The following TDRD7 variants were observed in gnomAD, a reference collection of about 807,000 sequenced individuals.
TDRD7 encodes the protein tudor domain containing 7, also known as tudor domain-containing protein 7.
In TDRD7, 47 loss-of-function variants were observed where a neutral mutation model predicts 109.8. The ratio of observed to expected loss-of-function variants is 0.43; its 90% confidence interval spans 0.34 to 0.55. TDRD7 has a LOEUF of 0.55. TDRD7 is among the 20% of genes least tolerant of loss of function. The probability of loss-of-function intolerance (pLI) is 0.03; values close to 1 mark genes in which losing one functional copy is unlikely to be tolerated. For missense variants in TDRD7, 1,164 were observed against 1,319.2 expected, an observed-to-expected ratio of 0.88 and a Z score of 1.82; for synonymous variants, 424 against 457.3, an observed-to-expected ratio of 0.93 and a Z score of 0.93.
At chr9:97,427,961 A>G (rs560464148) in intron 1 of TDRD7, among the ~76,000 whole-genome samples, 7 of 152,282 alleles carry the variant, frequency 4.6e-5, no homozygotes, top group African/African-American at 1.4e-4. Context: ...AAACATGAGC[A>G]TAATATAGTA....
At chr9:97,447,452 T>C (rs2118405106) in intron 6 of TDRD7, among the ~76,000 whole-genome samples, 1 of 152,282 alleles carries the variant, frequency 6.6e-6, no homozygotes, top group East Asian at 1.9e-4. Context: ...TGCTGTTAAT[T>C]TTTGAGAGGC....
intron 6 of TDRD7, among the ~76,000 whole-genome samples, chr9:97,444,632 C>T (rs1828368477): frequency 6.6e-6 from 1 of 152,194 alleles, no homozygotes; most frequent in Non-Finnish European, 1.5e-5. Flanking sequence ...ATGGGTATCT[C>T]TCTTTATGGC....
Position 97,443,295 on chromosome 9 carries a change from A to G in TDRD7, c.855+1420A>G, listed in dbSNP as rs543372272. ...TGGAGTGTAGTGAGGGAAATAGGGA[A>G]AAAAATGATTAGGACAATGTGACAA... On this transcript the variant is annotated intron_variant, in intron 6 of 16. Coordinates refer to ENST00000355295, the MANE Select transcript of TDRD7 (RefSeq NM_014290.3). 5.9e-5 allele frequency among the ~76,000 whole-genome samples: 9 copies of G among 152,322 alleles called. No individual in the cohort carries two copies. The South Asian group carries it at 1.9e-3, about 32-fold the overall frequency.
At chr9:97,471,510 TA>T (rs1157131269) in intron 9 of TDRD7, among the ~76,000 whole-genome samples, 1 of 152,154 alleles carries the variant, frequency 6.6e-6, no homozygotes, top group African/African-American at 2.4e-5. Flanking sequence ...GTGTTGAAAT[TA>T]AATGTTTGAG....
At chr9:97,445,248 G>T (rs539064045) in intron 6 of TDRD7, among the ~76,000 whole-genome samples, 1 of 151,666 alleles carries the variant, frequency 6.6e-6, no homozygotes, top group East Asian at 1.9e-4. Flanking sequence ...TTCTAGAGCA[G>T]TAGTCTTGTT....
Position 97,487,237 on chromosome 9 carries a change from A to G in TDRD7, c.2981A>G (p.Tyr994Cys). The change falls in exon 16 of 17, where the codon TAT becomes TGT. Residue 994 changes from tyrosine (Y) to cysteine (C), a missense_variant. Physicochemically the swap from Tyr to Cys is radical, Grantham distance 194 (BLOSUM62 -2). Around this residue, in one of 5 missense-constraint regions of TDRD7, gnomAD observed 162 missense variants for 222.5 expected, o/e 0.73. Transcript: ENST00000355295. ...NGLVSVYELD[Y>C]GKHELVNIRK... is the part of the protein sequence containing the mutation. ...CTGGTATCTGTGTATGAGCTGGATT[A>G]TGGCAAACACGAATTAGTCAACATA... 6.2e-7 allele frequency: 1 copy of G among 1,614,036 alleles called. No individual in the cohort carries two copies. The highest frequency in any genetic ancestry group is 1.3e-5 in the African/African-American group (1 of 75,038).
chr9:97,460,591 T>C lies in TDRD7; in HGVS notation c.1269T>C (p.Asp423=). The part of the protein sequence containing the change: ...IQKDAGQAHG[D]NDIKAMVEQE... The stretch of plus-strand genomic sequence containing the variant: ...AGGATGCAGGGCAAGCACATGGTGA[T>C]AATGATATCAAGGCTATGGTTGAAC... Residue 423 remains aspartate (D), a synonymous_variant, in exon 7 of 17, where the codon GAT becomes GAC. Coordinates refer to ENST00000355295, the MANE Select transcript of TDRD7 (RefSeq NM_014290.3). 2 of 1,614,240 alleles carry C rather than the reference T, an allele frequency of 1.2e-6. No homozygotes were observed. The highest frequency in any genetic ancestry group is 1.7e-6 in the Non-Finnish European group (2 of 1,180,032).
chr9:97,494,181 A>G (rs1829356214), intron 16 of TDRD7, among the ~76,000 whole-genome samples: 2 of 152,258 alleles, frequency 1.3e-5, no homozygotes, highest in Non-Finnish European at 2.9e-5. Context: ...AGACAGGAGT[A>G]AGAAATTATA....
chr9:97,429,201 A>G (rs1281272390), intron 2 of TDRD7, among the ~76,000 whole-genome samples: 1 of 152,106 alleles, frequency 6.6e-6, no homozygotes, highest in African/African-American at 2.4e-5. Context: ...ATATGATCAT[A>G]TCATTATACC....
chr9:97,458,135 T>A (rs1052199581), intron 6 of TDRD7, among the ~76,000 whole-genome samples: 1 of 152,092 alleles, frequency 6.6e-6, no homozygotes, highest in Non-Finnish European at 1.5e-5. Context: ...GAAAAAAGAT[T>A]ATAATGAACC....
chr9:97,469,899 T>C (rs1426693632), intron 8 of TDRD7, among the ~76,000 whole-genome samples: 3 of 152,216 alleles, frequency 2.0e-5, no homozygotes, highest in African/African-American at 7.2e-5. Flanking sequence ...TTCAGCAGAC[T>C]TAGGGCCTTT....
intron 10 of TDRD7, among the ~76,000 whole-genome samples, chr9:97,473,187 G>C (rs1828952399): frequency 6.6e-6 from 1 of 152,112 alleles, no homozygotes; most frequent in South Asian, 2.1e-4. Flanking sequence ...CTAAATAAAT[G>C]GGGAGAAAAT....
At position 97,459,674 on chromosome 9, in the gene TDRD7, A is replaced by G. The variant is rs1828674857; in HGVS notation, c.856-504A>G. 3.3e-5 allele frequency among the ~76,000 whole-genome samples: 5 copies of G among 152,222 alleles called. No individual in the cohort carries two copies. The South Asian group carries it at 1.0e-3, about 31-fold the overall frequency. ...TCTGCTGTGGTTGTTTTAAAACTGT[A>G]CTTATCTCTGGAGCATCTTTTTCTA... On this transcript the variant is annotated intron_variant, in intron 6 of 16. Transcript: ENST00000355295.
chr9:97,450,874 A>G (rs906574297), intron 6 of TDRD7, among the ~76,000 whole-genome samples: 1 of 151,872 alleles, frequency 6.6e-6, no homozygotes, highest in African/African-American at 2.4e-5. Flanking sequence ...TACAATTCCT[A>G]AAATCCAAAG....
At chr9:97,429,866 T>TTTA (rs1251139261) in intron 2 of TDRD7, among the ~76,000 whole-genome samples, 6 of 152,236 alleles carry the variant, frequency 3.9e-5, no homozygotes. Context: ...AAATTAATGC[T>TTTA]TTATAGAGTT....
At chr9:97,476,072 C>CA (rs1484297071) in intron 12 of TDRD7, among the ~76,000 whole-genome samples, 2 of 152,170 alleles carry the variant, frequency 1.3e-5, no homozygotes, top group African/African-American at 4.8e-5. Context: ...AGGGTACATA[C>CA]ATAGGAATGG....
At position 97,460,482 on chromosome 9, in the gene TDRD7, T is replaced by C; in HGVS notation, c.1160T>C (p.Val387Ala). Reference protein sequence around the residue: ...ALKNLASLSDVCSIDYISGNP... With the variant: ...ALKNLASLSDACSIDYISGNP... ...AAAAATCTTGCCTCACTTTCTGATGTATGCAGCATAGACTACATTTCTGGA... is the reference window on the plus strand; with the variant it reads ...AAAAATCTTGCCTCACTTTCTGATGCATGCAGCATAGACTACATTTCTGGA... The change falls in exon 7 of 17, where the codon GTA (valine) becomes GCA (alanine). Residue 387 changes from valine (V) to alanine (A), a missense_variant. Physicochemically the swap from Val to Ala is moderately conservative, Grantham distance 64. Transcript: ENST00000355295. 2 of 1,614,230 alleles carry C rather than the reference T, an allele frequency of 1.2e-6. No homozygotes were observed.
rs890290965 is a variant in TDRD7 at position 97,464,438 on chromosome 9, A to C, written c.1443-404A>C. Among the ~76,000 whole-genome samples, 4 of 152,198 alleles carry C rather than the reference A, an allele frequency of 2.6e-5. No individual in the cohort carries two copies. The South Asian group carries it at 6.2e-4, about 24-fold the overall frequency. On this transcript the variant is annotated intron_variant, in intron 7 of 16. Coordinates refer to ENST00000355295, the MANE Select transcript of TDRD7 (RefSeq NM_014290.3). ...TGATCTTGGCTCACTGCAACCTGCAACTTCCACCTCCTGGGTTCAAGCGAT... is the reference window on the plus strand; with the variant it reads ...TGATCTTGGCTCACTGCAACCTGCACCTTCCACCTCCTGGGTTCAAGCGAT...
intron 6 of TDRD7, among the ~76,000 whole-genome samples, chr9:97,442,792 AT>A (rs376896278): frequency 0.034 from 4,910 of 144,974 alleles, 107 homozygotes; most frequent in Non-Finnish European, 0.051. Flanking sequence ...GAAAGCATGT[AT>A]TTTTTTTTTT....
Sources: allele counts gnomAD v4.1 joint callset (sites outside exome capture counted in the v4.1 genomes callset), GRCh38; gene constraint gnomAD v4.1.1; regional missense constraint gnomAD v4.1.1; transcripts MANE v1.5; gene names NCBI Gene and HGNC (gene_info 2026-07-23, HGNC 2026-07-21).